LOXL3: variants seen among roughly 807,000 people sequenced by gnomAD.
LOXL3 encodes lysyl oxidase homolog 3.
Under a neutral mutation model 91.8 loss-of-function variants are expected in LOXL3, and 60 were observed. The ratio of observed to expected loss-of-function variants is 0.65; its 90% CI spans 0.53 to 0.81. The LOEUF (loss-of-function observed/expected upper bound fraction) is 0.81, where lower values mean the gene tolerates loss of function less well. LOXL3 is among the 30% of genes least tolerant of loss of function. The probability of loss-of-function intolerance (pLI) is 0.00; values close to 1 mark genes in which losing one functional copy is unlikely to be tolerated. For missense variants in LOXL3, 874 were observed against 1,000.4 expected (o/e 0.87, Z 1.70); for synonymous variants, 355 against 387.6 (o/e 0.92, Z 0.99).
At position 74,532,288 on chromosome 2, in the gene LOXL3, G is replaced by C. The variant is rs150463070; in HGVS notation, c.*1318C>G. On this transcript the variant is annotated 3_prime_UTR_variant, in exon 14 of 14. Coordinates refer to ENST00000264094, the MANE Select transcript of LOXL3 (RefSeq NM_032603.5). ...TACTCCCATGTTTTTTATTTATGCTGTTCTTGTTTTATATGGTTAATATCA... is the reference window on the plus strand; with the variant it reads ...TACTCCCATGTTTTTTATTTATGCTCTTCTTGTTTTATATGGTTAATATCA... 1.6e-3 allele frequency: 777 copies of C among 478,206 alleles called. 4 individuals are homozygous for C. Among genetic ancestry groups the C allele is most frequent in the African/African-American group, 0.014 (741 of 51,226 alleles). The allele number at this position is 478,206 out of a possible 1,614,324, so 29.6% of individuals were successfully genotyped here.
rs759306602 is a variant in LOXL3 at position 74,550,253 on chromosome 2, C to G, written c.409G>C (p.Asp137His). 2.5e-6 allele frequency: 4 copies of G among 1,614,198 alleles called. No individual in the cohort carries two copies. Among genetic ancestry groups the G allele is most frequent in the Non-Finnish European group, 3.4e-6 (4 of 1,180,034 alleles). The change falls in exon 3 of 14, where the codon GAT becomes CAT. Residue 137 changes from aspartate to histidine, a missense_variant. By Grantham distance (81) the Asp-to-His change is moderately conservative. Coordinates refer to ENST00000264094, the MANE Select transcript of LOXL3 (RefSeq NM_032603.5). ...TTGCAGATGACCCCAGCATCCTCAT[C>G]GTGCGTACAGTCACTGTTCCCCCAG... ...RGWGNSDCTH[D>H]EDAGVICKDQ...
chr2:74,550,107 TA>T, intron 3 of LOXL3, 77 bp downstream of exon 3: 1 of 1,517,924 alleles, frequency 6.6e-7, no homozygotes. Flanking sequence ...AACTACCTTC[TA>T]ATGTCTCCGC....
chr2:74,554,856 G>C (rs748197144), upstream of LOXL3: 1 of 1,610,950 alleles, frequency 6.2e-7, no homozygotes, highest in South Asian at 1.1e-5. The surrounding 1 kb of genome is among the most constrained non-coding windows in gnomAD (Gnocchi z 4.9). Flanking sequence ...CGGGCTAGTA[G>C]TGGGTGAGAG....
chr2:74,539,758 G>A (rs1343839117), intron 4 of LOXL3: 1 of 152,648 alleles, frequency 6.6e-6, no homozygotes, highest in Admixed American at 6.5e-5. Flanking sequence ...GGGGCCGCAG[G>A]GCGAGCAGGA....
chr2:74,536,643 C>G lies in LOXL3; in HGVS notation c.912+66G>C. The G allele has an allele frequency of 6.4e-7, 1 of 1,557,278 alleles. No homozygotes were observed. Among genetic ancestry groups the G allele is most frequent in the Non-Finnish European group, 8.8e-7 (1 of 1,135,228 alleles). On this transcript the variant is annotated intron_variant, in intron 5 of 13. Transcript: ENST00000264094. The surrounding 1 kb of genome is among the most constrained non-coding windows in gnomAD (Gnocchi z 4.5). ...CTCAAAGGTCAGGGCTGTGCTTAGT[C>G]TGGGGTTGCCAGGCTAGGGGTTCTC...
chr2:74,555,383 C>T, upstream of LOXL3: 4 of 1,612,890 alleles, frequency 2.5e-6, no homozygotes, highest in Non-Finnish European at 3.4e-6. The surrounding 1 kb of genome is among the most constrained non-coding windows in gnomAD (Gnocchi z 6.1). Flanking sequence ...GCTCAGCGCT[C>T]GCACCTGCTG....
intron 4 of LOXL3, among the ~76,000 whole-genome samples, chr2:74,540,664 C>CT (rs562377307): frequency 0.071 from 9,844 of 138,634 alleles, 956 homozygotes; most frequent in African/African-American, 0.22. Context: ...ATAATTTTTC[C>CT]TTTTTTTTTT....
chr2:74,555,004 G>A, upstream of LOXL3: 1 of 1,363,290 alleles, frequency 7.3e-7, no homozygotes, highest in East Asian at 2.5e-5. The surrounding 1 kb of genome is among the most constrained non-coding windows in gnomAD (Gnocchi z 6.1). Context: ...CTGGGGAGAC[G>A]GAGTGGCATC....
chr2:74,547,474 G>A (rs1165710661), intron 4 of LOXL3, among the ~76,000 whole-genome samples: 1 of 152,192 alleles, frequency 6.6e-6, no homozygotes, highest in African/African-American at 2.4e-5. Context: ...AAGCAGCACA[G>A]AGAAGGAAAT....
chr2:74,535,498 A>G lies in LOXL3; in HGVS notation c.1417-44T>C, dbSNP rs1436803001. 9.4e-5 allele frequency: 151 copies of G among 1,612,548 alleles called. 1 individual carries two copies. In the East Asian group the frequency reaches 3.3e-3, roughly 35 times the overall value. ...GTTTCTGTAAGGCCCAGGATCCAGC[A>G]TCTTGGGCCAAGGGACTCATTCCTC... On this transcript the variant is annotated intron_variant, in intron 8 of 13. Coordinates refer to ENST00000264094, the MANE Select transcript of LOXL3 (RefSeq NM_032603.5). The surrounding 1 kb of genome is among the most constrained non-coding windows in gnomAD (Gnocchi z 4.2).
At chr2:74,552,194 T>C in intron 2 of LOXL3, 128 bp downstream of exon 2, 1 of 841,128 alleles carries the variant, frequency 1.2e-6, no homozygotes, top group Non-Finnish European at 1.8e-6. Flanking sequence ...TTGTCATCCA[T>C]GGATTTACTC....
In LOXL3 at chr2:74,549,248, C is replaced by T. The variant is rs1450177033; in HGVS notation, c.692+121G>A. 1.7e-6 allele frequency: 2 copies of T among 1,159,052 alleles called. No homozygotes were observed. Among genetic ancestry groups the T allele is most frequent in the Non-Finnish European group, 1.2e-6 (1 of 857,140 alleles). The allele number at this position is 1,159,052 out of a possible 1,614,324, so 71.8% of individuals were successfully genotyped here. Reference sequence around the variant, plus strand: ...AGCTTTGCAACGGCCTCCATATTTTCCCGCGCGTCCCGACCCCCGGGTCCT... The same window carrying T: ...AGCTTTGCAACGGCCTCCATATTTTTCCGCGCGTCCCGACCCCCGGGTCCT... On this transcript the variant is annotated intron_variant, in intron 4 of 13. Coordinates refer to ENST00000264094, the MANE Select transcript of LOXL3 (RefSeq NM_032603.5). This position sits in a 1 kb window ranked among gnomAD's most constrained non-coding sequence, Gnocchi z 5.3.
At chr2:74,546,041 CTTACTTAGCTG>C (rs1377551856) in intron 4 of LOXL3, among the ~76,000 whole-genome samples, 1 of 152,200 alleles carries the variant, frequency 6.6e-6, no homozygotes, top group Non-Finnish European at 1.5e-5. Flanking sequence ...AGGCCAATTT[CTTACTTAGCTG>C]AGGCCAAAAA....
In LOXL3 at chr2:74,535,554, C is replaced by G. The variant is rs778338049; in HGVS notation, c.1416+34G>C. 22 of 1,612,790 alleles carry G rather than the reference C, an allele frequency of 1.4e-5. No homozygotes were observed. Among genetic ancestry groups the G allele is most frequent in the Non-Finnish European group, 1.9e-5 (22 of 1,179,904 alleles). On this transcript the variant is annotated intron_variant, in intron 8 of 13. Transcript: ENST00000264094. This position sits in a 1 kb window ranked among gnomAD's most constrained non-coding sequence, Gnocchi z 4.2. The stretch of plus-strand genomic sequence containing the variant: ...TCTGCCCAAAACACAGGCTTTGAGA[C>G]AACAGCCTCGGCTCCCCTTTCCTTC...
Position 74,536,305 on chromosome 2 carries a change from G to T in LOXL3, c.1079C>A (p.Ala360Asp), listed in dbSNP as rs759143975. 1.9e-6 allele frequency: 3 copies of T among 1,613,710 alleles called. No individual in the cohort carries two copies. The highest frequency in any genetic ancestry group is 2.2e-5 in the South Asian group (2 of 91,056). The change falls in exon 6 of 14, where the codon GCT (alanine) becomes GAT (aspartate). Residue 360 changes from alanine to aspartate, a missense_variant. Ala to Asp is a moderately radical substitution (Grantham distance 126). Coordinates refer to ENST00000264094, the MANE Select transcript of LOXL3 (RefSeq NM_032603.5). The surrounding 1 kb of genome is among the most constrained non-coding windows in gnomAD (Gnocchi z 4.5). ...TGCCACCTCACCCTGCCCCATGCGAGCGCCACTCAGAGCTTCTCGAGCACT... is the reference window on the plus strand; with the variant it reads ...TGCCACCTCACCCTGCCCCATGCGATCGCCACTCAGAGCTTCTCGAGCACT... ...FGSAREALSGARMGQGMGAIH... is the reference protein window; with the variant it reads ...FGSAREALSGDRMGQGMGAIH...
At position 74,538,447 on chromosome 2, in the gene LOXL3, T is replaced by C. The variant is rs148597311; in HGVS notation, c.693-1519A>G. On this transcript the variant is annotated intron_variant, in intron 4 of 13. Transcript: ENST00000264094. ...CAGGAGGGGAGAAAGGGATGAATTATCGATACTTCAGTCCCTCTTGAAGTT... is the reference window on the plus strand; with the variant it reads ...CAGGAGGGGAGAAAGGGATGAATTACCGATACTTCAGTCCCTCTTGAAGTT... Among the ~76,000 whole-genome samples, 332 of 152,350 alleles carry C rather than the reference T, an allele frequency of 2.2e-3. 2 individuals carry two copies. The highest frequency in any genetic ancestry group is 6.8e-3 in the Middle Eastern group (2 of 294).
At chr2:74,554,613 C>G (rs1170875257), upstream of LOXL3, 1 of 740,500 alleles carries the variant, frequency 1.4e-6, no homozygotes, top group Non-Finnish European at 2.2e-6. This position sits in a 1 kb window ranked among gnomAD's most constrained non-coding sequence, Gnocchi z 4.9. Context: ...TCTCGCTCCT[C>G]TCCCTCACCC....
In LOXL3 at chr2:74,550,291, C is replaced by A. The variant is rs1676920669; in HGVS notation, c.371G>T (p.Cys124Phe). 6.2e-7 allele frequency: 1 copy of A among 1,614,066 alleles called. No homozygotes were observed. The highest frequency in any genetic ancestry group is 8.5e-7 in the Non-Finnish European group (1 of 1,180,050). Residue 124 changes from cysteine (C) to phenylalanine (F), a missense_variant, in exon 3 of 14, where the codon TGT (cysteine) becomes TTT (phenylalanine). Cys to Phe is a radical substitution (Grantham distance 205, BLOSUM62 -2). Transcript: ENST00000264094. ...CSGTEQSVTE[C>F]ASRGWGNSDC... ...ACTGTTCCCCCAGCCCCGGGAGGCA[C>A]ATTCAGTCACACTCTGCTCGGTCCC...
rs760921576 is a variant in LOXL3 at position 74,535,600 on chromosome 2, G to A, written c.1404C>T (p.Asn468=). 6.2e-7 allele frequency: 1 copy of A among 1,614,062 alleles called. No individual in the cohort carries two copies. Among genetic ancestry groups the A allele is most frequent in the Admixed American group, 1.7e-5 (1 of 60,010 alleles). ...CCTTCCCACTCACCTGCAGGCCGTG[G>A]TTGGCGTAGCCCAGACCCAGTTGCC... ...ACRQLGLGYA[N]HGLQETWYWD... The change falls in exon 8 of 14, where the codon AAC becomes AAT. Residue 468 remains asparagine, a synonymous_variant. Transcript: ENST00000264094. The surrounding 1 kb of genome is among the most constrained non-coding windows in gnomAD (Gnocchi z 4.2).
Sources: gnomAD v4.1 joint callset for allele counts (sites outside exome capture counted in the v4.1 genomes callset) on GRCh38, gnomAD v4.1.1 for gene constraint, Gnocchi (gnomAD v3.1) non-coding constraint, MANE v1.5 for transcripts, NCBI Gene and HGNC (gene_info 2026-07-23, HGNC 2026-07-21) for gene names.